The following GRM5 variants were observed in gnomAD, a reference collection of about 807,000 sequenced individuals.
The protein encoded by GRM5 is metabotropic glutamate receptor 5.
A neutral mutation model predicts 83.1 loss-of-function variants in GRM5; 19 were observed. That is an observed-to-expected ratio of 0.23 (90% CI 0.16 to 0.34). The LOEUF (loss-of-function observed/expected upper bound fraction) is 0.34, where lower values mean the gene tolerates loss of function less well. GRM5 is among the 10% of genes least tolerant of loss of function. The pLI is 1.00. For synonymous variants in GRM5, 675 were observed against 633.6 expected, an observed-to-expected ratio of 1.07 and a Z score of -0.98; for missense variants, 1,160 against 1,588.3, an observed-to-expected ratio of 0.73 and a Z score of 4.58.
chr11:88,750,881 A>G (rs542854419), intron 3 of GRM5, among the ~76,000 whole-genome samples: 2 of 152,196 alleles, frequency 1.3e-5, no homozygotes, highest in East Asian at 3.9e-4. Context: ...ACTAATGAGT[A>G]TAAAGAGGCA....
intron 2 of GRM5, among the ~76,000 whole-genome samples, chr11:88,852,274 C>A (rs1376143682): frequency 6.6e-6 from 1 of 152,088 alleles, no homozygotes; most frequent in Non-Finnish European, 1.5e-5. Context: ...GTGGAGAGAA[C>A]TTTGTTATTA....
At chr11:88,634,698 A>T (rs553005539) in intron 4 of GRM5, among the ~76,000 whole-genome samples, 2 of 152,196 alleles carry the variant, frequency 1.3e-5, no homozygotes, top group East Asian at 3.8e-4. Flanking sequence ...TTTATTTCTT[A>T]TAAGTAGAAG....
chr11:88,950,031 AT>A (rs58554674), intron 2 of GRM5, among the ~76,000 whole-genome samples: 43,294 of 139,482 alleles, frequency 0.31, 6,921 homozygotes, highest in Non-Finnish European at 0.38. Context: ...AGCCTGGCTA[AT>A]TTTTTTTTTT....
chr11:88,981,718 G>A (rs144672626), intron 2 of GRM5, among the ~76,000 whole-genome samples: 3 of 152,282 alleles, frequency 2.0e-5, no homozygotes, highest in Admixed American at 1.3e-4. Context: ...CACAGAATCA[G>A]GAGTCATTGA....
chr11:88,684,873 T>C (rs10765700), intron 3 of GRM5, among the ~76,000 whole-genome samples: 138,868 of 152,274 alleles, frequency 0.91, 63,497 homozygotes, highest in East Asian at 0.99. Flanking sequence ...TCTGAGGCCT[T>C]GCCAGCCACA....
intron 2 of GRM5, among the ~76,000 whole-genome samples, chr11:88,968,740 T>C (rs573089054): frequency 6.6e-6 from 1 of 152,054 alleles, no homozygotes; most frequent in East Asian, 1.9e-4. Context: ...GTTCTAATAT[T>C]AGACAGTATA....
At chr11:88,883,712 G>A (rs1242223111) in intron 2 of GRM5, among the ~76,000 whole-genome samples, 2 of 152,100 alleles carry the variant, frequency 1.3e-5, no homozygotes, top group Non-Finnish European at 2.9e-5. Context: ...CAGGCCTGGA[G>A]GCTTAGGAGG....
intron 2 of GRM5, among the ~76,000 whole-genome samples, chr11:88,934,876 T>G (rs7123781): frequency 0.022 from 3,323 of 152,038 alleles, 119 homozygotes; most frequent in African/African-American, 0.074. Context: ...AACACTGGAC[T>G]ATAGAAACAG....
At chr11:88,931,377 C>T (rs1003001893) in intron 2 of GRM5, among the ~76,000 whole-genome samples, 3 of 151,722 alleles carry the variant, frequency 2.0e-5, no homozygotes, top group East Asian at 3.9e-4. Context: ...ACTTTATTAA[C>T]ACCTAACCAT....
chr11:88,581,260 G>A lies in GRM5; in HGVS notation c.1690+9341C>T, dbSNP rs972157347. 6.6e-5 allele frequency among the ~76,000 whole-genome samples: 10 copies of A among 152,236 alleles called. No homozygotes were observed. In the South Asian group the frequency reaches 1.0e-3, roughly 16 times the overall value. On this transcript the variant is annotated intron_variant, in intron 7 of 9. Transcript: ENST00000305447. ...TTTTAAAAACTTTATTAACAGTAGAGTGATAATAGTATTCTTGAACAGTTA... is the reference window on the plus strand; with the variant it reads ...TTTTAAAAACTTTATTAACAGTAGAATGATAATAGTATTCTTGAACAGTTA...
At chr11:88,984,818 G>A (rs1425661629) in intron 2 of GRM5, 4 of 739,916 alleles carry the variant, frequency 5.4e-6, no homozygotes, top group Middle Eastern at 2.3e-4. Flanking sequence ...ATTTTCCAGG[G>A]CATCATATAC....
chr11:88,647,021 A>G (rs944788362), intron 4 of GRM5, among the ~76,000 whole-genome samples: 2 of 152,022 alleles, frequency 1.3e-5, no homozygotes, highest in Non-Finnish European at 2.9e-5. Context: ...CTCTGGGTAG[A>G]ATTCTTCCTA....
chr11:88,984,344 T>C (rs1939624287), intron 2 of GRM5, among the ~76,000 whole-genome samples: 1 of 152,190 alleles, frequency 6.6e-6, no homozygotes, highest in South Asian at 2.1e-4. Context: ...ATCATTTTGT[T>C]ACAATTGCCT....
intron 3 of GRM5, among the ~76,000 whole-genome samples, chr11:88,702,496 C>T (rs1941057380): frequency 1.3e-5 from 2 of 152,104 alleles, no homozygotes; most frequent in Middle Eastern, 3.4e-3. Flanking sequence ...TTCAGCTACT[C>T]CTAAATGTTT....
At chr11:89,046,445 A>G (rs888506091) in intron 2 of GRM5, among the ~76,000 whole-genome samples, 3 of 152,144 alleles carry the variant, frequency 2.0e-5, no homozygotes, top group African/African-American at 7.2e-5. Flanking sequence ...TCTGTAGGTC[A>G]AAACAAATTT....
chr11:88,866,623 T>C (rs1196977833), intron 2 of GRM5, among the ~76,000 whole-genome samples: 1 of 151,950 alleles, frequency 6.6e-6, no homozygotes, highest in African/African-American at 2.4e-5. Flanking sequence ...TACCATGAAA[T>C]GAAGCATTGA....
At chr11:88,794,806 G>A (rs1456798328) in intron 3 of GRM5, among the ~76,000 whole-genome samples, 1 of 152,142 alleles carries the variant, frequency 6.6e-6, no homozygotes, top group African/African-American at 2.4e-5. Flanking sequence ...AAAGAATTAG[G>A]CCAAATAGTA....
At chr11:88,872,598 G>A (rs1268463674) in intron 2 of GRM5, among the ~76,000 whole-genome samples, 2 of 151,310 alleles carry the variant, frequency 1.3e-5, no homozygotes, top group African/African-American at 4.8e-5. Context: ...CACACAAATA[G>A]AAACTAGAAT....
chr11:88,610,754 C>T (rs1220445352), intron 4 of GRM5, among the ~76,000 whole-genome samples: 1 of 152,156 alleles, frequency 6.6e-6, no homozygotes, highest in Non-Finnish European at 1.5e-5. Context: ...TCCAGCACTA[C>T]ATTGAATACA....
Sources: gnomAD v4.1 joint callset for allele counts (sites outside exome capture counted in the v4.1 genomes callset) on GRCh38, gnomAD v4.1.1 for gene constraint, MANE v1.5 for transcripts, NCBI Gene and HGNC (gene_info 2026-07-23, HGNC 2026-07-21) for gene names.